CALR3: variants seen among roughly 807,000 people sequenced by gnomAD.
CALR3 encodes the protein calreticulin-3.
In CALR3, 39 loss-of-function variants were observed where a neutral mutation model predicts 48.7. The observed-to-expected ratio is 0.80, with a 90% CI of 0.62 to 1.05. The LOEUF is 1.05. Among genes scored for constraint, CALR3 ranks in the 50% least tolerant of loss-of-function variants. The probability of loss-of-function intolerance (pLI) is 0.00; values close to 1 mark genes in which losing one functional copy is unlikely to be tolerated. For synonymous variants in CALR3, 185 were observed against 172.7 expected, an observed-to-expected ratio of 1.07 and a Z score of -0.56; for missense variants, 449 against 474.7, an observed-to-expected ratio of 0.95 and a Z score of 0.50.
chr19:16,482,732 G>A lies in CALR3; in HGVS notation c.732C>T (p.Asn244=), dbSNP rs201198066. Residue 244 remains asparagine, a synonymous_variant, in exon 6 of 9, where the codon AAC becomes AAT. Coordinates refer to ENST00000269881, the MANE Select transcript of CALR3 (RefSeq NM_145046.5). The part of the protein sequence containing the change: ...DASTSKQSDW[N]GDLDGDWPAP... The stretch of plus-strand genomic sequence containing the variant: ...CTGGCCAGTCCCCATCCAGGTCACC[G>A]TTCCAGTCGCTCTGCTTGCTGGTGC... The A allele has an allele frequency of 6.8e-6, 11 of 1,613,940 alleles. No homozygotes were observed. The highest frequency in any genetic ancestry group is 2.7e-5 in the African/African-American group (2 of 75,060).
At chr19:16,488,282 C>T (rs970945914) in intron 3 of CALR3, among the ~76,000 whole-genome samples, 5 of 152,178 alleles carry the variant, frequency 3.3e-5, no homozygotes, top group African/African-American at 1.2e-4. Context: ...CAGGGTCTCA[C>T]TATGTTGGCC....
At position 16,496,140 on chromosome 19, in the gene CALR3, A is replaced by G. The variant is rs371362207; in HGVS notation, c.-11T>C. 5 of 1,588,848 alleles carry G rather than the reference A, an allele frequency of 3.1e-6. No homozygotes were observed. The African/African-American group carries it at 5.4e-5, about 17-fold the overall frequency. ...CAAAGCCCGGGCCATGGGGGTGTGC[A>G]CTGCGCTTCCGGTCGCCGCCACCCC... On this transcript the variant is annotated 5_prime_UTR_variant, in exon 1 of 9. Coordinates refer to ENST00000269881, the MANE Select transcript of CALR3 (RefSeq NM_145046.5).
At chr19:16,482,397 A>G (rs1599717397) in intron 7 of CALR3, 53 bp downstream of exon 7, 3 of 1,611,976 alleles carry the variant, frequency 1.9e-6, no homozygotes, top group East Asian at 4.5e-5. Context: ...AAAACAAAAC[A>G]AAACAAAACA....
chr19:16,482,690 CTT>C lies in CALR3; in HGVS notation c.772_773del (p.Lys258AlafsTer14), dbSNP rs1444274515. ...DGDWPAPMLQ[K>X]PPYQDGLKPE... ...AGAGGCCACACACCTGGTACGGGGG[CTT>C]CTGGAGCATCGGCGCTGGCCAGTCC... On this transcript the variant is annotated frameshift_variant, in exon 6 of 9. Transcript: ENST00000269881. LOFTEE classifies it high-confidence loss of function. 22 of 1,614,022 alleles carry C rather than the reference CTT, an allele frequency of 1.4e-5. No homozygotes were observed. The African/African-American group carries it at 2.7e-4, about 20-fold the overall frequency.
chr19:16,483,921 A>C lies in CALR3; in HGVS notation c.678+9T>G. 1 of 1,613,586 alleles carries C rather than the reference A, an allele frequency of 6.2e-7. No individual in the cohort carries two copies. Among genetic ancestry groups the C allele is most frequent in the Non-Finnish European group, 8.5e-7 (1 of 1,179,768 alleles). On this transcript the variant is annotated intron_variant, in intron 5 of 8. Transcript: ENST00000269881. ...GCACTTTTTAGAGTTGCCCAGGAAA[A>C]ATTCACACCTGGGCTTTGTTGTCTT...
intron 3 of CALR3, among the ~76,000 whole-genome samples, chr19:16,489,357 G>C (rs1470783299): frequency 6.6e-6 from 1 of 152,170 alleles, no homozygotes; most frequent in African/African-American, 2.4e-5. Flanking sequence ...AGTGGCTCAC[G>C]CCTGTAATCC....
chr19:16,479,143 C>T lies in CALR3; in HGVS notation c.1143G>A (p.Arg381=). ...CCAATGGGGATCACTAAAGTTCATT[C>T]CTTCTGTGAAATTGATTGAAGTAAT... ...HEHYFNQFHR[R]NEL is the part of the protein sequence containing the mutation. Residue 381 remains arginine (R), a synonymous_variant, in exon 9 of 9, where the codon AGG becomes AGA. Coordinates refer to ENST00000269881, the MANE Select transcript of CALR3 (RefSeq NM_145046.5). 3 of 1,614,114 alleles carry T rather than the reference C, an allele frequency of 1.9e-6. No homozygotes were observed. The East Asian group carries it at 6.7e-5, about 36-fold the overall frequency.
At chr19:16,479,645 G>A (rs1360805228) in intron 8 of CALR3, among the ~76,000 whole-genome samples, 1 of 151,710 alleles carries the variant, frequency 6.6e-6, no homozygotes, top group East Asian at 1.9e-4. Context: ...TGTAGTCCCA[G>A]CTGCTCGGGA....
chr19:16,479,590 A>G (rs1301226844), intron 8 of CALR3, among the ~76,000 whole-genome samples: 1 of 150,208 alleles, frequency 6.7e-6, no homozygotes, highest in Non-Finnish European at 1.5e-5. Context: ...TCTGTCTCAA[A>G]AAAAAAAAAA....
chr19:16,482,576 G>A lies in CALR3; in HGVS notation c.792C>T (p.Gly264=), dbSNP rs1432309623. 1.2e-5 allele frequency: 20 copies of A among 1,614,034 alleles called. No homozygotes were observed. In the Admixed American group the frequency reaches 1.7e-4, roughly 13 times the overall value. ...PMLQKPPYQD[G]LKPEGIHKDV... ...CTTTATGAATACCTTCTGGTTTCAG[G>A]CCATCCTGTATCAAAAAAACCATAT... Residue 264 remains glycine (G), a synonymous_variant, in exon 7 of 9, where the codon GGC becomes GGT. Transcript: ENST00000269881.
rs755784741 is a variant in CALR3, at chr19:16,496,099, T to C, written c.31A>G (p.Ile11Val). ...GCCAGCGCCACTCGCAGCATGCATA[T>C]GGCCCAGAGCTGGACCAAAGCCCGG... MARALVQLWA[I>V]CMLRVALATV... is the part of the protein sequence containing the mutation. Residue 11 changes from isoleucine to valine, a missense_variant, in exon 1 of 9, where the codon ATA (isoleucine) becomes GTA (valine). Ile to Val is a conservative substitution (Grantham distance 29, BLOSUM62 3). Coordinates refer to ENST00000269881, the MANE Select transcript of CALR3 (RefSeq NM_145046.5). 18 of 1,606,788 alleles carry C rather than the reference T, an allele frequency of 1.1e-5. No homozygotes were observed. Among genetic ancestry groups the C allele is most frequent in the East Asian group, 9.0e-5 (4 of 44,676 alleles).
intron 4 of CALR3, among the ~76,000 whole-genome samples, chr19:16,484,861 A>G (rs2093386803): frequency 6.6e-6 from 1 of 152,126 alleles, no homozygotes; most frequent in Non-Finnish European, 1.5e-5. Context: ...TTCATTCATT[A>G]ATGAGGATGG....
chr19:16,490,396 T>C lies in CALR3; in HGVS notation c.368A>G (p.Asn123Ser). 6.2e-7 allele frequency: 1 copy of C among 1,614,194 alleles called. No individual in the cohort carries two copies. Among genetic ancestry groups the C allele is most frequent in the South Asian group, 1.1e-5 (1 of 91,082 alleles). ...FPADIDQKNL[N>S]GKSQYYIMFG... ...CATAATATAGTACTGCGATTTTCCA[T>C]TCAGGTTCTTCTGGTCAATGTCTGC... The change falls in exon 3 of 9, where the codon AAT (asparagine) becomes AGT (serine). Residue 123 changes from asparagine (N) to serine (S), a missense_variant. Transcript: ENST00000269881.
At position 16,484,106 on chromosome 19, in the gene CALR3, A is replaced by T. The variant is rs1309847467; in HGVS notation, c.502T>A (p.Phe168Ile). The T allele has an allele frequency of 6.2e-7, 1 of 1,613,974 alleles. No homozygotes were observed. The highest frequency in any genetic ancestry group is 1.1e-5 in the South Asian group (1 of 91,076). Residue 168 changes from phenylalanine (F) to isoleucine (I), a missense_variant, in exon 5 of 9, where the codon TTC (phenylalanine) becomes ATC (isoleucine). Physicochemically the swap from Phe to Ile is conservative, Grantham distance 21 (BLOSUM62 0). Transcript: ENST00000269881. ...AAAATTAGAGTGTACAGGTGTGTGAAGCCATCAACCTGCATATTTTAGGGG... is the reference window on the plus strand; with the variant it reads ...AAAATTAGAGTGTACAGGTGTGTGATGCCATCAACCTGCATATTTTAGGGG... ...KKLIRCKVDG[F>I]THLYTLILRP...
At chr19:16,495,008 G>T (rs1393304083) in intron 2 of CALR3, among the ~76,000 whole-genome samples, 1 of 152,160 alleles carries the variant, frequency 6.6e-6, no homozygotes, top group East Asian at 1.9e-4. Context: ...GCCGAGGCAG[G>T]TGGATTACTT....
chr19:16,487,820 T>TA (rs928355820), intron 3 of CALR3, among the ~76,000 whole-genome samples: 16 of 151,138 alleles, frequency 1.1e-4, no homozygotes, highest in African/African-American at 3.6e-4. Context: ...TTCAATTTTT[T>TA]TTTTTTTTTT....
At position 16,483,985 on chromosome 19, in the gene CALR3, T is replaced by G. The variant is rs1350003595; in HGVS notation, c.623A>C (p.Glu208Ala). The change falls in exon 5 of 9, where the codon GAA becomes GCA. Residue 208 changes from glutamate (E) to alanine (A), a missense_variant. Physicochemically the swap from Glu to Ala is moderately radical, Grantham distance 107 (BLOSUM62 -1). Coordinates refer to ENST00000269881, the MANE Select transcript of CALR3 (RefSeq NM_145046.5). ...ATCCTTCGATTCTGCCGGGGACGTT[T>G]CCTTCTTGAGTGATGTTAAGTTCCA... ...YDWNLTSLKKETSPAESKDWE... is the reference protein window; with the variant it reads ...YDWNLTSLKKATSPAESKDWE... 12 of 1,613,974 alleles carry G rather than the reference T, an allele frequency of 7.4e-6. No homozygotes were observed. Among genetic ancestry groups the G allele is most frequent in the Non-Finnish European group, 9.3e-6 (11 of 1,180,038 alleles).
At chr19:16,493,409 T>C (rs529639722) in intron 2 of CALR3, among the ~76,000 whole-genome samples, 5 of 152,330 alleles carry the variant, frequency 3.3e-5, no homozygotes, top group African/African-American at 1.2e-4. Context: ...CTGTTAAGCT[T>C]CTCTAAACTT....
intron 5 of CALR3, 174 bp downstream of exon 5, chr19:16,483,756 C>T (rs987806653): frequency 1.4e-5 from 9 of 623,274 alleles, no homozygotes; most frequent in East Asian, 2.8e-5. Flanking sequence ...AAATGTTTTA[C>T]GATACCTTCA....
Sources: gnomAD v4.1 joint callset for allele counts (sites outside exome capture counted in the v4.1 genomes callset) on GRCh38, gnomAD v4.1.1 for gene constraint, MANE v1.5 for transcripts, NCBI Gene and HGNC (gene_info 2026-07-23, HGNC 2026-07-21) for gene names.